DPP10: variants seen among roughly 807,000 people sequenced by gnomAD.
DPP10 encodes the protein inactive dipeptidyl peptidase 10.
Under a neutral mutation model 120.9 loss-of-function variants are expected in DPP10, and 33 were observed. The observed-to-expected ratio is 0.27, with a 90% CI of 0.21 to 0.37. DPP10 has a LOEUF of 0.37. DPP10 is among the 10% of genes least tolerant of loss of function. The pLI, the probability that DPP10 is intolerant of heterozygous loss-of-function variation, is 1.00. For synonymous variants in DPP10, 337 were observed against 326.1 expected, an observed-to-expected ratio of 1.03 and a Z score of -0.36; for missense variants, 816 against 942.8, an observed-to-expected ratio of 0.87 and a Z score of 1.76.
rs558624425 is a variant in DPP10, at chr2:114,762,646, G to A, written c.60+319808G>A. ...TGAGTTTCCCTCCTAACACCCAGCA[G>A]GCTGCCAATAACCAGACAGACAAAT... is the stretch of plus-strand genomic sequence containing the variant. On this transcript the variant is annotated intron_variant, in intron 1 of 25. Transcript: ENST00000410059. Among the ~76,000 whole-genome samples, 5 of 152,276 alleles carry A rather than the reference G, an allele frequency of 3.3e-5. No individual in the cohort carries two copies. The South Asian group carries it at 1.0e-3, about 32-fold the overall frequency.
In DPP10 at chr2:115,566,768, C is replaced by T. The variant is rs184642617; in HGVS notation, c.441+40796C>T. Among the ~76,000 whole-genome samples the T allele has an allele frequency of 1.3e-3, 198 of 152,208 alleles. 2 individuals carry two copies. Among genetic ancestry groups the T allele is most frequent in the African/African-American group, 4.6e-3 (191 of 41,546 alleles). On this transcript the variant is annotated intron_variant, in intron 5 of 25. Transcript: ENST00000410059. ...GGTATGCTCATTGCTACTGTAATGA[C>T]GTGTACATACATTTTCAAAATATAT...
intron 1 of DPP10, among the ~76,000 whole-genome samples, chr2:115,140,203 G>A (rs1052893662): frequency 6.6e-6 from 1 of 152,212 alleles, no homozygotes; most frequent in Non-Finnish European, 1.5e-5. Flanking sequence ...AGGTGATCAG[G>A]AAAGATCTTC....
intron 5 of DPP10, among the ~76,000 whole-genome samples, chr2:115,647,253 T>TA (rs1450159185): frequency 3.3e-5 from 5 of 152,172 alleles, no homozygotes; most frequent in Admixed American, 1.3e-4. Flanking sequence ...CTCTATACAT[T>TA]ACCCAGAGAA....
chr2:115,495,789 T>C (rs2076365238), intron 3 of DPP10, among the ~76,000 whole-genome samples: 1 of 152,166 alleles, frequency 6.6e-6, no homozygotes, highest in Non-Finnish European at 1.5e-5. Flanking sequence ...TACATTTTCA[T>C]TTTAGGAAAA....
chr2:115,606,613 A>T (rs1479030207), intron 5 of DPP10, among the ~76,000 whole-genome samples: 1 of 152,150 alleles, frequency 6.6e-6, no homozygotes, highest in Non-Finnish European at 1.5e-5. Context: ...AAGTGAACCT[A>T]GGAATTCTGA....
chr2:115,717,554 G>A (rs1193252777), intron 7 of DPP10, among the ~76,000 whole-genome samples: 3 of 151,814 alleles, frequency 2.0e-5, no homozygotes, highest in Non-Finnish European at 4.4e-5. Context: ...CACTTCTTAG[G>A]TTTTTGTGAG....
At chr2:115,298,857 A>G (rs1271396909) in intron 1 of DPP10, among the ~76,000 whole-genome samples, 1 of 152,038 alleles carries the variant, frequency 6.6e-6, no homozygotes, top group Non-Finnish European at 1.5e-5. Context: ...AGGTAGACAG[A>G]AGTAACCTAC....
At chr2:115,385,300 A>C (rs2066845366) in intron 3 of DPP10, among the ~76,000 whole-genome samples, 1 of 151,976 alleles carries the variant, frequency 6.6e-6, no homozygotes, top group Non-Finnish European at 1.5e-5. Flanking sequence ...GTCCTTCTTC[A>C]GTCGATCACC....
chr2:115,395,454 A>G (rs946355959), intron 3 of DPP10, among the ~76,000 whole-genome samples: 2 of 152,310 alleles, frequency 1.3e-5, no homozygotes, highest in South Asian at 2.1e-4. Flanking sequence ...AGTTCATCCC[A>G]TAATAACCTC....
At position 114,946,753 on chromosome 2, in the gene DPP10, TC is replaced by T. The variant is rs560245894; in HGVS notation, c.61-362485del. On this transcript the variant is annotated intron_variant, in intron 1 of 25. Transcript: ENST00000410059. Reference sequence around the variant, plus strand: ...AAACATAGGGAATTTTCTTCTTATTTCTCGGAAGGTTCTTGTCAAAGGTTTG... The same window carrying T: ...AAACATAGGGAATTTTCTTCTTATTTTCGGAAGGTTCTTGTCAAAGGTTTG... Among the ~76,000 whole-genome samples the T allele has an allele frequency of 5.3e-4, 80 of 152,224 alleles. 1 individual carries two copies. In the East Asian group the frequency reaches 0.015, roughly 29 times the overall value.
chr2:115,707,911 A>G lies in DPP10; in HGVS notation c.576+17990A>G, dbSNP rs2092182560. ...TAACAAGATGAAACTTAAATTACAG[A>G]ATTGATTACTTTTAACATAGCATAT... On this transcript the variant is annotated intron_variant, in intron 7 of 25. Transcript: ENST00000410059. Among the ~76,000 whole-genome samples, 3 of 151,912 alleles carry G rather than the reference A, an allele frequency of 2.0e-5. No homozygotes were observed. In the South Asian group the frequency reaches 6.2e-4, roughly 31 times the overall value.
chr2:115,366,832 A>G (rs568268932), intron 3 of DPP10, among the ~76,000 whole-genome samples: 20 of 152,072 alleles, frequency 1.3e-4, no homozygotes, highest in African/African-American at 4.6e-4. Flanking sequence ...TATCGCTCCA[A>G]TTCTTACCCC....
Position 115,739,779 on chromosome 2 carries a change from A to G in DPP10, c.738A>G (p.Pro246=). 1 of 1,613,576 alleles carries G rather than the reference A, an allele frequency of 6.2e-7. No homozygotes were observed. The highest frequency in any genetic ancestry group is 1.1e-5 in the South Asian group (1 of 91,074). The change falls in exon 9 of 26, where the codon CCA becomes CCG. Residue 246 remains proline, a synonymous_variant. Coordinates refer to ENST00000410059, the MANE Select transcript of DPP10 (RefSeq NM_020868.6). The part of the protein sequence containing the change: ...LHSHIAHWWS[P]DGERLAFLMI... ...CTCACATCGCCCACTGGTGGTCACC[A>G]GATGGAGAAAGACTTGCCTTCCTGA...
intron 2 of DPP10, among the ~76,000 whole-genome samples, chr2:115,327,489 T>G (rs1404705122): frequency 1.3e-5 from 2 of 152,046 alleles, no homozygotes; most frequent in Non-Finnish European, 2.9e-5. Context: ...GGGGCTCGAA[T>G]TTTTTTGTTT....
At chr2:115,401,422 AT>A (rs55836924) in intron 3 of DPP10, among the ~76,000 whole-genome samples, 1,569 of 152,158 alleles carry the variant, frequency 0.01, 11 homozygotes, top group Middle Eastern at 0.031. Context: ...CTGCAAAAAC[AT>A]TTTTTTAAAA....
intron 5 of DPP10, among the ~76,000 whole-genome samples, chr2:115,591,722 T>C (rs1031935254): frequency 6.6e-6 from 1 of 152,202 alleles, no homozygotes; most frequent in Non-Finnish European, 1.5e-5. Flanking sequence ...GGGGATGGCA[T>C]TGAATCTATA....
At chr2:114,585,922 T>C (rs1225679166) in intron 1 of DPP10, among the ~76,000 whole-genome samples, 3 of 152,216 alleles carry the variant, frequency 2.0e-5, no homozygotes, top group African/African-American at 7.2e-5. Flanking sequence ...GACTTTGTAT[T>C]ACAAATACAC....
At chr2:115,425,571 G>A (rs2070379050) in intron 3 of DPP10, among the ~76,000 whole-genome samples, 1 of 152,030 alleles carries the variant, frequency 6.6e-6, no homozygotes, top group Admixed American at 6.5e-5. Context: ...AAAAAATTAG[G>A]TAACTCTTTA....
intron 1 of DPP10, among the ~76,000 whole-genome samples, chr2:114,976,286 T>C (rs907921637): frequency 1.8e-4 from 27 of 152,206 alleles, no homozygotes; most frequent in South Asian, 2.1e-4. Flanking sequence ...TATTCAGCAT[T>C]TATATACCAT....
Sources: allele counts gnomAD v4.1 joint callset (sites outside exome capture counted in the v4.1 genomes callset), GRCh38; gene constraint gnomAD v4.1.1; transcripts MANE v1.5; gene names NCBI Gene and HGNC (gene_info 2026-07-23, HGNC 2026-07-21).